NPAP1: variants seen among roughly 807,000 people sequenced by gnomAD.
NPAP1 encodes the protein nuclear pore associated protein 1.
For missense variants in NPAP1, 1,483 were observed against 1,454.5 expected, an observed-to-expected ratio of 1.02 and a Z score of -0.32; for synonymous variants, 616 against 581.4, an observed-to-expected ratio of 1.06 and a Z score of -0.86.
rs911691091 is a variant in NPAP1 at position 24,675,817 on chromosome 15, T to C, written c.-51T>C. On this transcript the variant is annotated 5_prime_UTR_variant, in exon 1 of 1. Transcript: ENST00000329468. ...CAGAGGAGGCGGTGGCTGAGGAGAGTTGAGTCCACTGCTGACCCTGTTTTA... is the reference window on the plus strand; with the variant it reads ...CAGAGGAGGCGGTGGCTGAGGAGAGCTGAGTCCACTGCTGACCCTGTTTTA... 6 of 1,295,620 alleles carry C rather than the reference T, an allele frequency of 4.6e-6. No homozygotes were observed. The highest frequency in any genetic ancestry group is 2.9e-5 in the East Asian group (1 of 34,280). 80.3% of individuals were successfully genotyped at this position (1,295,620 alleles called of 1,614,324 possible).
rs2141312493 is a variant in NPAP1 at position 24,678,372 on chromosome 15, C to G, written c.2505C>G (p.Ile835Met). The change falls in exon 1 of 1, where the codon ATC becomes ATG. Residue 835 changes from isoleucine (I) to methionine (M), a missense_variant. By Grantham distance (10) the Ile-to-Met change is conservative (BLOSUM62 1). Coordinates refer to ENST00000329468, the MANE Select transcript of NPAP1 (RefSeq NM_018958.3). ...CCACCCCTCCTTCCAAAACTGTCATCTTGCAGTCTACCTTTGTCTCCAGGA... is the reference window on the plus strand; with the variant it reads ...CCACCCCTCCTTCCAAAACTGTCATGTTGCAGTCTACCTTTGTCTCCAGGA... ...MNTTPPSKTV[I>M]LQSTFVSRKE... The G allele has an allele frequency of 6.2e-7, 1 of 1,614,038 alleles. No individual in the cohort carries two copies. Among genetic ancestry groups the G allele is most frequent in the Non-Finnish European group, 8.5e-7 (1 of 1,180,020 alleles).
Position 24,680,718 on chromosome 15 carries a change from T to C in NPAP1, c.*1380T>C, listed in dbSNP as rs1299433604. The C allele has an allele frequency of 6.0e-6, 1 of 167,056 alleles. No individual in the cohort carries two copies. Among genetic ancestry groups the C allele is most frequent in the Non-Finnish European group, 1.5e-5 (1 of 68,180 alleles). The allele number at this position is 167,056 out of a possible 1,614,324, so 10.3% of individuals were successfully genotyped here. On this transcript the variant is annotated 3_prime_UTR_variant, in exon 1 of 1. Transcript: ENST00000329468. ...CTGTGGAGGGTAGAGGAAACCTGGC[T>C]TGACTGTTAACTTGGCTGACCCTAC...
Position 24,676,149 on chromosome 15 carries a change from C to T in NPAP1, c.282C>T (p.Ile94=), listed in dbSNP as rs1450298083. 2 of 1,575,956 alleles carry T rather than the reference C, an allele frequency of 1.3e-6. No homozygotes were observed. Among genetic ancestry groups the T allele is most frequent in the South Asian group, 2.3e-5 (2 of 85,122 alleles). The change falls in exon 1 of 1, where the codon ATC becomes ATT. Residue 94 remains isoleucine, a synonymous_variant. Transcript: ENST00000329468. ...CGGCTGTGGGTTGGGGGCTGGCCAT[C>T]AGGAAGACACCCATGCTGCCTGCTC... ...VLPAVGWGLA[I]RKTPMLPARN... is the part of the protein sequence containing the mutation.
rs756817955 is a variant in NPAP1 at position 24,676,701 on chromosome 15, G to T, written c.834G>T (p.Ala278=). 6.2e-7 allele frequency: 1 copy of T among 1,614,070 alleles called. No individual in the cohort carries two copies. The highest frequency in any genetic ancestry group is 1.1e-5 in the South Asian group (1 of 91,082). The part of the protein sequence containing the change: ...GCSLLQQKLA[A]EVLNEEPPPS... ...CCCTGCTGCAGCAGAAGTTGGCTGC[G>T]GAAGTGCTGAATGAAGAGCCACCGC... The change falls in exon 1 of 1, where the codon GCG becomes GCT. Residue 278 remains alanine (A), a synonymous_variant. Coordinates refer to ENST00000329468, the MANE Select transcript of NPAP1 (RefSeq NM_018958.3).
In NPAP1 at chr15:24,675,816, G is replaced by A. The variant is rs1330662533; in HGVS notation, c.-52G>A. The A allele has an allele frequency of 7.7e-7, 1 of 1,300,204 alleles. No homozygotes were observed. Among genetic ancestry groups the A allele is most frequent in the Non-Finnish European group, 1.0e-6 (1 of 972,864 alleles). The allele number at this position is 1,300,204 out of a possible 1,614,324, so 80.5% of individuals were successfully genotyped here. ...CCAGAGGAGGCGGTGGCTGAGGAGA[G>A]TTGAGTCCACTGCTGACCCTGTTTT... On this transcript the variant is annotated 5_prime_UTR_variant, in exon 1 of 1. Coordinates refer to ENST00000329468, the MANE Select transcript of NPAP1 (RefSeq NM_018958.3).
At position 24,676,885 on chromosome 15, in the gene NPAP1, C is replaced by G. The variant is rs1322591253; in HGVS notation, c.1018C>G (p.Pro340Ala). 1.1e-5 allele frequency: 18 copies of G among 1,613,482 alleles called. No homozygotes were observed. The East Asian group carries it at 1.8e-4, about 16-fold the overall frequency. The change falls in exon 1 of 1, where the codon CCT (proline) becomes GCT (alanine). Residue 340 changes from proline to alanine, a missense_variant. Coordinates refer to ENST00000329468, the MANE Select transcript of NPAP1 (RefSeq NM_018958.3). ...GATTCCATTGCTGCTGCCGCTGCCC[C>G]CTTCACTGCCATTGCTGTGGGATCG... is the stretch of plus-strand genomic sequence containing the variant. ...MSIPLLLPLP[P>A]SLPLLWDRGE... is the part of the protein sequence containing the mutation.
chr15:24,681,793 C>G lies in NPAP1; in HGVS notation c.*2455C>G, dbSNP rs12899372. ...AAGATAGATAGATGATAGATAGATACATAGATAGATGATAGAGATAGATGA... is the reference window on the plus strand; with the variant it reads ...AAGATAGATAGATGATAGATAGATAGATAGATAGATGATAGAGATAGATGA... On this transcript the variant is annotated 3_prime_UTR_variant, in exon 1 of 1. Coordinates refer to ENST00000329468, the MANE Select transcript of NPAP1 (RefSeq NM_018958.3). 2 of 147,402 alleles carry G rather than the reference C, an allele frequency of 1.4e-5. No homozygotes were observed. The highest frequency in any genetic ancestry group is 1.7e-5 in the Non-Finnish European group (1 of 60,394). 9.1% of individuals were successfully genotyped at this position (147,402 alleles called of 1,614,324 possible). A position where few individuals can be genotyped will look rare whatever the true frequency, so the allele number is the denominator to read the frequency against.
rs1191194802 is a variant in NPAP1 at position 24,675,861 on chromosome 15, G to A, written c.-7G>A. On this transcript the variant is annotated 5_prime_UTR_variant, in exon 1 of 1. Coordinates refer to ENST00000329468, the MANE Select transcript of NPAP1 (RefSeq NM_018958.3). ...TGTTTTACGGTAGGAGGCACGGCTAGCTCTAAATGGGCAATTTACTTAGTA... is the reference window on the plus strand; with the variant it reads ...TGTTTTACGGTAGGAGGCACGGCTAACTCTAAATGGGCAATTTACTTAGTA... 6.5e-7 allele frequency: 1 copy of A among 1,541,334 alleles called. No homozygotes were observed. The highest frequency in any genetic ancestry group is 1.4e-5 in the African/African-American group (1 of 71,086).
chr15:24,679,040 C>T lies in NPAP1; in HGVS notation c.3173C>T (p.Ala1058Val), dbSNP rs953959844. 9 of 1,614,182 alleles carry T rather than the reference C, an allele frequency of 5.6e-6. No individual in the cohort carries two copies. The East Asian group carries it at 2.0e-4, about 36-fold the overall frequency. The change falls in exon 1 of 1, where the codon GCC (alanine) becomes GTC (valine). Residue 1058 changes from alanine to valine, a missense_variant. Transcript: ENST00000329468. ...TCTGTTTTCCCATTTGGTCAGGCAG[C>T]CTGGGACCCAACTGGCCACAGCATG... is the stretch of plus-strand genomic sequence containing the variant. Reference protein sequence around the residue: ...TTSVFPFGQAAWDPTGHSMAA... With the variant: ...TTSVFPFGQAVWDPTGHSMAA...
rs1184413371 is a variant in NPAP1 at position 24,682,688 on chromosome 15, T to C, written c.*3350T>C. 6.0e-6 allele frequency: 1 copy of C among 167,076 alleles called. No homozygotes were observed. Among genetic ancestry groups the C allele is most frequent in the Non-Finnish European group, 1.5e-5 (1 of 68,120 alleles). 10.3% of individuals were successfully genotyped at this position (167,076 alleles called of 1,614,324 possible). A position where few individuals can be genotyped will look rare whatever the true frequency, so the allele number is the denominator to read the frequency against. On this transcript the variant is annotated 3_prime_UTR_variant, in exon 1 of 1. Transcript: ENST00000329468. ...TATTATGTTATCTTACAGATGTCAT[T>C]GTTTTTCCTAAAACTTGAAGTGCCT...
In NPAP1 at chr15:24,676,808, G is replaced by C. The variant is rs2141308876; in HGVS notation, c.941G>C (p.Ser314Thr). The change falls in exon 1 of 1, where the codon AGC becomes ACC. Residue 314 changes from serine (S) to threonine (T), a missense_variant. Ser to Thr is a moderately conservative substitution (Grantham distance 58). Coordinates refer to ENST00000329468, the MANE Select transcript of NPAP1 (RefSeq NM_018958.3). ...AAGCCTTTCTGTATTCCTCCAAGGA[G>C]CGCTGCTCCTCCCAGAGCTGCCCGC... is the stretch of plus-strand genomic sequence containing the variant. ...DEKPFCIPPR[S>T]AAPPRAARNR... 6.2e-7 allele frequency: 1 copy of C among 1,613,168 alleles called. No homozygotes were observed. Among genetic ancestry groups the C allele is most frequent in the Non-Finnish European group, 8.5e-7 (1 of 1,180,002 alleles).
chr15:24,676,592 C>T lies in NPAP1; in HGVS notation c.725C>T (p.Thr242Ile), dbSNP rs2141308337. Residue 242 changes from threonine to isoleucine, a missense_variant, in exon 1 of 1, where the codon ACA (threonine) becomes ATA (isoleucine). Thr to Ile is a moderately conservative substitution (Grantham distance 89). Transcript: ENST00000329468. ...SCLEGPAMPSTHSQAGCARHL... is the reference protein window; with the variant it reads ...SCLEGPAMPSIHSQAGCARHL... ...TTGGAAGGCCCTGCCATGCCCAGCA[C>T]ACACAGCCAGGCCGGATGTGCCCGG... is the stretch of plus-strand genomic sequence containing the variant. The T allele has an allele frequency of 6.2e-7, 1 of 1,614,076 alleles. No homozygotes were observed.
In NPAP1 at chr15:24,680,049, G is replaced by A. The variant is rs139046723; in HGVS notation, c.*711G>A. The stretch of plus-strand genomic sequence containing the variant: ...ACGGAGCCTTAGCCCAGGCTGGAGT[G>A]TAGTAGCACAATCTCGGCTCACTGC... On this transcript the variant is annotated 3_prime_UTR_variant, in exon 1 of 1. Transcript: ENST00000329468. 8.0e-3 allele frequency: 1,429 copies of A among 178,728 alleles called. 15 individuals are homozygous for A. The highest frequency in any genetic ancestry group is 0.011 in the Non-Finnish European group (820 of 76,496). The allele number at this position is 178,728 out of a possible 1,614,324, so 11.1% of individuals were successfully genotyped here.
Position 24,677,510 on chromosome 15 carries a change from T to A in NPAP1, c.1643T>A (p.Met548Lys), listed in dbSNP as rs2141310515. The A allele has an allele frequency of 6.2e-7, 1 of 1,614,160 alleles. No homozygotes were observed. Among genetic ancestry groups the A allele is most frequent in the Non-Finnish European group, 8.5e-7 (1 of 1,180,040 alleles). ...ACCTCAGTTATCACCAGCAAGCCTA[T>A]GAATTCCACGTCAGTCATTTCCACT... ...TGTSVITSKPMNSTSVISTVT... is the reference protein window; with the variant it reads ...TGTSVITSKPKNSTSVISTVT... The change falls in exon 1 of 1, where the codon ATG (methionine) becomes AAG (lysine). Residue 548 changes from methionine (M) to lysine (K), a missense_variant. Coordinates refer to ENST00000329468, the MANE Select transcript of NPAP1 (RefSeq NM_018958.3).
In NPAP1 at chr15:24,676,296, C is replaced by T. The variant is rs1440857629; in HGVS notation, c.429C>T (p.Ala143=). 6.6e-7 allele frequency: 1 copy of T among 1,519,866 alleles called. No homozygotes were observed. The highest frequency in any genetic ancestry group is 1.3e-5 in the South Asian group (1 of 75,204). The allele number at this position is 1,519,866 out of a possible 1,614,324, so 94.1% of individuals were successfully genotyped here. A position where few individuals can be genotyped will look rare whatever the true frequency, so the allele number is the denominator to read the frequency against. ...TCAAGGCCAGGAAGCCCATCCCAGCCACTCTCCTGGAGGAGACCGAGGTGT... is the reference window on the plus strand; with the variant it reads ...TCAAGGCCAGGAAGCCCATCCCAGCTACTCTCCTGGAGGAGACCGAGGTGT... ...PAVKARKPIP[A]TLLEETEVWA... is the part of the protein sequence containing the mutation. Residue 143 remains alanine, a synonymous_variant, in exon 1 of 1, where the codon GCC becomes GCT. Transcript: ENST00000329468.
In NPAP1 at chr15:24,678,087, C is replaced by A; in HGVS notation, c.2220C>A (p.Ala740=). ...ACACACAACCCAGCGGCAACACTGC[C>A]TCAGTCCAAGGCTCCACCAGTTTGC... ...SGNTQPSGNT[A]SVQGSTSLPA... is the part of the protein sequence containing the mutation. The change falls in exon 1 of 1, where the codon GCC becomes GCA. Residue 740 remains alanine (A), a synonymous_variant. Transcript: ENST00000329468. 1 of 1,613,790 alleles carries A rather than the reference C, an allele frequency of 6.2e-7. No individual in the cohort carries two copies. Among genetic ancestry groups the A allele is most frequent in the Non-Finnish European group, 8.5e-7 (1 of 1,179,984 alleles).
Position 24,678,108 on chromosome 15 carries a change from T to C in NPAP1, c.2241T>C (p.Ser747=), listed in dbSNP as rs1191030355. The C allele has an allele frequency of 6.2e-7, 1 of 1,612,908 alleles. No individual in the cohort carries two copies. The highest frequency in any genetic ancestry group is 8.5e-7 in the Non-Finnish European group (1 of 1,179,818). ...GNTASVQGST[S]LPAQSVRAPA... ...CTGCCTCAGTCCAAGGCTCCACCAG[T>C]TTGCCTGCACAGTCAGTCAGGGCAC... Residue 747 remains serine, a synonymous_variant, in exon 1 of 1, where the codon AGT becomes AGC. Coordinates refer to ENST00000329468, the MANE Select transcript of NPAP1 (RefSeq NM_018958.3).
chr15:24,677,358 C>G lies in NPAP1; in HGVS notation c.1491C>G (p.Pro497=), dbSNP rs1274846651. 3.1e-6 allele frequency: 5 copies of G among 1,613,808 alleles called. No individual in the cohort carries two copies. The South Asian group carries it at 3.3e-5, about 11-fold the overall frequency. Reference sequence around the variant, plus strand: ...GAGCAGCGCCTCTCACTTCTGACCCCCCAACACCTCCTAGCTCCACACCCT... The same window carrying G: ...GAGCAGCGCCTCTCACTTCTGACCCGCCAACACCTCCTAGCTCCACACCCT... The part of the protein sequence containing the change: ...VVGAAPLTSD[P]PTPPSSTPSF... Residue 497 remains proline (P), a synonymous_variant, in exon 1 of 1, where the codon CCC becomes CCG. Coordinates refer to ENST00000329468, the MANE Select transcript of NPAP1 (RefSeq NM_018958.3).
rs2049011703 is a variant in NPAP1 at position 24,680,709 on chromosome 15, A to C, written c.*1371A>C. On this transcript the variant is annotated 3_prime_UTR_variant, in exon 1 of 1. Coordinates refer to ENST00000329468, the MANE Select transcript of NPAP1 (RefSeq NM_018958.3). The stretch of plus-strand genomic sequence containing the variant: ...TCTTCTGCACTGTGGAGGGTAGAGG[A>C]AACCTGGCTTGACTGTTAACTTGGC... 6.2e-6 allele frequency: 1 copy of C among 161,788 alleles called. No individual in the cohort carries two copies. The highest frequency in any genetic ancestry group is 1.5e-5 in the Non-Finnish European group (1 of 68,160). The allele number at this position is 161,788 out of a possible 1,614,324, so 10.0% of individuals were successfully genotyped here.
Sources: gnomAD v4.1 joint callset for allele counts on GRCh38, gnomAD v4.1.1 for gene constraint, MANE v1.5 for transcripts, NCBI Gene and HGNC (gene_info 2026-07-23, HGNC 2026-07-21) for gene names.